Variants in GFPT2 observed in about 807,000 individuals in gnomAD.
GFPT2 encodes the protein glutamine--fructose-6-phosphate transaminase 2.
A neutral mutation model predicts 85.6 loss-of-function variants in GFPT2; 62 were observed. The observed-to-expected ratio is 0.72, with a 90% CI of 0.59 to 0.90. The LOEUF is 0.90. GFPT2 is among the 40% of genes least tolerant of loss of function. The pLI, the probability that GFPT2 is intolerant of heterozygous loss-of-function variation, is 0.00. For synonymous variants in GFPT2, 368 were observed against 344.5 expected (o/e 1.07, Z -0.75); for missense variants, 788 against 893.4 (o/e 0.88, Z 1.50).
chr5:180,346,208 C>T (rs1054975848), intron 1 of GFPT2, among the ~76,000 whole-genome samples: 2 of 152,164 alleles, frequency 1.3e-5, no homozygotes, highest in Non-Finnish European at 2.9e-5. Context: ...GGAGGCTCCA[C>T]TGCCAAAGAC....
rs1396340986 is a variant in GFPT2, at chr5:180,353,298, T to TGGGCTCCGTGGGCTCCGTGGGCTCCGC, written c.-108_-82dup. 3 of 261,546 alleles carry TGGGCTCCGTGGGCTCCGTGGGCTCCGC rather than the reference T, an allele frequency of 1.1e-5. No homozygotes were observed. Among genetic ancestry groups the TGGGCTCCGTGGGCTCCGTGGGCTCCGC allele is most frequent in the East Asian group, 1.5e-4 (2 of 13,784 alleles). 16.2% of individuals were successfully genotyped at this position (261,546 alleles called of 1,614,324 possible). A position where few individuals can be genotyped will look rare whatever the true frequency, so the allele number is the denominator to read the frequency against. On this transcript the variant is annotated 5_prime_UTR_variant, in exon 1 of 19. Transcript: ENST00000253778. ...TGGGGCTCCTCCGTGGGCTCCTCCG[T>TGGGCTCCGTGGGCTCCGTGGGCTCCGC]GGGCTCCGTGGGCTCCGTGGGCTCC...
In GFPT2 at chr5:180,336,495, G is replaced by A. The variant is rs749603564; in HGVS notation, c.198C>T (p.Leu66=). 17 of 1,598,580 alleles carry A rather than the reference G, an allele frequency of 1.1e-5. No homozygotes were observed. Among genetic ancestry groups the A allele is most frequent in the South Asian group, 6.6e-5 (6 of 90,754 alleles). Residue 66 remains leucine (L), a synonymous_variant, in exon 3 of 19, where the codon CTC becomes CTT. Coordinates refer to ENST00000253778, the MANE Select transcript of GFPT2 (RefSeq NM_005110.4). ...LVKKRGKVKA[L]DEELYKQDSM... ...TCCACTTACTGTAAAGTTCTTCATCGAGAGCCTTGACTTTCCCCCTTTTCT... is the reference window on the plus strand; with the variant it reads ...TCCACTTACTGTAAAGTTCTTCATCAAGAGCCTTGACTTTCCCCCTTTTCT...
intron 5 of GFPT2, among the ~76,000 whole-genome samples, chr5:180,331,168 T>C (rs754241125): frequency 6.6e-6 from 1 of 152,236 alleles, no homozygotes; most frequent in Non-Finnish European, 1.5e-5. Context: ...ACAGTCACTG[T>C]CTGACTTTCC....
intron 4 of GFPT2, among the ~76,000 whole-genome samples, chr5:180,332,080 C>T (rs1764312871): frequency 6.6e-6 from 1 of 152,206 alleles, no homozygotes; most frequent in Non-Finnish European, 1.5e-5. Flanking sequence ...GGGGAAAAAT[C>T]CCAGAAGTTC....
In GFPT2 at chr5:180,328,224, G is replaced by A; in HGVS notation, c.596+53C>T. On this transcript the variant is annotated intron_variant, in intron 7 of 18. Transcript: ENST00000253778. This position sits in a 1 kb window ranked among gnomAD's most constrained non-coding sequence, Gnocchi z 5.4. ...ACCTCTCCCGTCTCCCTCCAGCTAA[G>A]TGATTTTATTTTCGTTCTTTCTTAT... 7.5e-7 allele frequency: 1 copy of A among 1,332,054 alleles called. No homozygotes were observed. Among genetic ancestry groups the A allele is most frequent in the South Asian group, 1.2e-5 (1 of 85,402 alleles). The allele number at this position is 1,332,054 out of a possible 1,614,324, so 82.5% of individuals were successfully genotyped here.
At chr5:180,307,878 C>T (rs557898341) in intron 15 of GFPT2, among the ~76,000 whole-genome samples, 17 of 152,102 alleles carry the variant, frequency 1.1e-4, no homozygotes, top group African/African-American at 3.9e-4. Flanking sequence ...TTTGGGAGGC[C>T]GAGGCGGGTG....
intron 6 of GFPT2, among the ~76,000 whole-genome samples, chr5:180,329,355 AG>A (rs1764265957): frequency 6.6e-6 from 1 of 152,216 alleles, no homozygotes; most frequent in Non-Finnish European, 1.5e-5. Context: ...ACAATAAAAT[AG>A]GACTGAATGG....
chr5:180,312,300 T>A (rs1446219074), intron 15 of GFPT2, 130 bp downstream of exon 15: 3 of 641,354 alleles, frequency 4.7e-6, no homozygotes, highest in Non-Finnish European at 8.5e-6. Context: ...CAGGAGGGAG[T>A]TGGGGAAGCT....
rs181532247 is a variant in GFPT2, at chr5:180,310,141, C to T, written c.1546+2289G>A. ...TTTTGAGATGAAGTCTCGCTCTTGT[C>T]GCCCAGGCTGGAGTACAATGGCACA... On this transcript the variant is annotated intron_variant, in intron 15 of 18. Transcript: ENST00000253778. Among the ~76,000 whole-genome samples the T allele has an allele frequency of 2.0e-3, 311 of 152,024 alleles. 2 individuals are homozygous for T. Among genetic ancestry groups the T allele is most frequent in the South Asian group, 0.018 (86 of 4,818 alleles).
At chr5:180,325,349 C>G (rs1764195936) in intron 7 of GFPT2, among the ~76,000 whole-genome samples, 1 of 152,170 alleles carries the variant, frequency 6.6e-6, no homozygotes, top group African/African-American at 2.4e-5. Flanking sequence ...TTGTTCCTTC[C>G]CTTCCCCTAG....
rs1371201571 is a variant in GFPT2 at position 180,313,019 on chromosome 5, C to CGT, written c.1432-476_1432-475insAC. Among the ~76,000 whole-genome samples, 173 of 151,584 alleles carry CGT rather than the reference C, an allele frequency of 1.1e-3. 1 individual carries two copies. The highest frequency in any genetic ancestry group is 2.1e-3 in the Non-Finnish European group (145 of 67,874). On this transcript the variant is annotated intron_variant, in intron 14 of 18. Transcript: ENST00000253778. Reference sequence around the variant, plus strand: ...CTCAAACCCCTGACCTCAGGTGATCCCCCTGCCTCGGCCTCCCAAAGTGCT... The same window carrying CGT: ...CTCAAACCCCTGACCTCAGGTGATCCGTCCCTGCCTCGGCCTCCCAAAGTGCT...
At position 180,307,212 on chromosome 5, in the gene GFPT2, C is replaced by G. The variant is rs753245333; in HGVS notation, c.1638G>C (p.Arg546=). 6.2e-7 allele frequency: 1 copy of G among 1,607,622 alleles called. No individual in the cohort carries two copies. The highest frequency in any genetic ancestry group is 2.2e-5 in the East Asian group (1 of 44,684). ...YTQRSLLVMG[R]GYNYATCLEG... Reference sequence around the variant, plus strand: ...CCAGGCAGGTGGCATAGTTGTAGCCCCGCCCCATCACCAGCAGCGATCTCT... The same window carrying G: ...CCAGGCAGGTGGCATAGTTGTAGCCGCGCCCCATCACCAGCAGCGATCTCT... Residue 546 remains arginine (R), a synonymous_variant, in exon 16 of 19, where the codon CGG becomes CGC. Transcript: ENST00000253778.
intron 5 of GFPT2, 125 bp downstream of exon 5, chr5:180,331,370 A>G (rs967506211): frequency 1.5e-6 from 1 of 660,730 alleles, no homozygotes; most frequent in Non-Finnish European, 2.7e-6. Context: ...CAACACGGTG[A>G]CGTGGCTGAG....
rs1056269588 is a variant in GFPT2, at chr5:180,328,245, C to G, written c.596+32G>C. On this transcript the variant is annotated intron_variant, in intron 7 of 18. Transcript: ENST00000253778. The surrounding 1 kb of genome is among the most constrained non-coding windows in gnomAD (Gnocchi z 5.4). Reference sequence around the variant, plus strand: ...CTAAGTGATTTTATTTTCGTTCTTTCTTATGGGAAATGCCAGTGTGTTTTG... The same window carrying G: ...CTAAGTGATTTTATTTTCGTTCTTTGTTATGGGAAATGCCAGTGTGTTTTG... 3.3e-6 allele frequency: 5 copies of G among 1,537,752 alleles called. No homozygotes were observed. In the Admixed American group the frequency reaches 8.3e-5, roughly 26 times the overall value.
chr5:180,303,258 A>T (rs1363238079), intron 17 of GFPT2, among the ~76,000 whole-genome samples: 1 of 152,092 alleles, frequency 6.6e-6, no homozygotes, highest in Non-Finnish European at 1.5e-5. Context: ...AATTCCAAAG[A>T]AATGCCACCA....
chr5:180,348,941 C>T lies in GFPT2; in HGVS notation c.7+4270G>A, dbSNP rs533128129. 2.6e-4 allele frequency among the ~76,000 whole-genome samples: 40 copies of T among 151,358 alleles called. No homozygotes were observed. The South Asian group carries it at 7.3e-3, about 28-fold the overall frequency. On this transcript the variant is annotated intron_variant, in intron 1 of 18. Transcript: ENST00000253778. ...TATTTTAGTAGAGACAGGGTTTTAC[C>T]ATGTTGGCCAGGATGGTCTCGATCT...
Position 180,353,082 on chromosome 5 carries a change from G to A in GFPT2, c.7+129C>T. 6.7e-6 allele frequency: 5 copies of A among 743,206 alleles called. No homozygotes were observed. The South Asian group carries it at 3.4e-4, about 50-fold the overall frequency. The allele number at this position is 743,206 out of a possible 1,614,324, so 46.0% of individuals were successfully genotyped here. ...CGGCCGACGACAGCCCCTCGGTAGG[G>A]GCCCGGGGCAGATCGGCGCCCCCAG... On this transcript the variant is annotated intron_variant, in intron 1 of 18. Transcript: ENST00000253778.
intron 9 of GFPT2, among the ~76,000 whole-genome samples, chr5:180,319,337 G>C (rs574448496): frequency 1.3e-5 from 2 of 151,954 alleles, no homozygotes; most frequent in Non-Finnish European, 2.9e-5. Flanking sequence ...TTTTATAACC[G>C]GTTTCTTCAA....
chr5:180,336,628 C>T, intron 2 of GFPT2, 51 bp from the exon 3 acceptor site: 1 of 1,214,158 alleles, frequency 8.2e-7, no homozygotes, highest in African/African-American at 1.5e-5. Flanking sequence ...TTTTCTCACA[C>T]ACTTGGCACA....
Sources: gnomAD v4.1 joint callset for allele counts (sites outside exome capture counted in the v4.1 genomes callset) on GRCh38, gnomAD v4.1.1 for gene constraint, Gnocchi (gnomAD v3.1) non-coding constraint, MANE v1.5 for transcripts, NCBI Gene and HGNC (gene_info 2026-07-23, HGNC 2026-07-21) for gene names.